Variants in PLEKHG4B observed in about 807,000 individuals in gnomAD.
PLEKHG4B encodes the protein pleckstrin homology and RhoGEF domain containing G4B.
In PLEKHG4B, 111 loss-of-function variants were observed where a neutral mutation model predicts 121.3. The observed-to-expected ratio is 0.92, with a 90% confidence interval of 0.78 to 1.07. The LOEUF is 1.07. PLEKHG4B is among the 50% of genes least tolerant of loss of function. PLEKHG4B has a pLI of 0.00. For missense variants in PLEKHG4B, 1,831 were observed against 1,757.8 expected (o/e 1.04, Z -0.74); for synonymous variants, 738 against 725.0 (o/e 1.02, Z -0.29).
chr5:173,491 A>C (rs1383051414), intron 17 of PLEKHG4B, among the ~76,000 whole-genome samples: 3 of 152,142 alleles, frequency 2.0e-5, no homozygotes, highest in Admixed American at 6.5e-5. Flanking sequence ...GACAGAGTCC[A>C]TGAGGGTGCA....
intron 1 of PLEKHG4B, among the ~76,000 whole-genome samples, chr5:100,418 G>C (rs1210925571): frequency 1.4e-5 from 2 of 147,596 alleles, no homozygotes; most frequent in Non-Finnish European, 3.0e-5. Context: ...AGAGACTGTT[G>C]TGAGGTAAAT....
In PLEKHG4B at chr5:182,333, G is replaced by A; in HGVS notation, c.*10G>A. The A allele has an allele frequency of 6.3e-7, 1 of 1,580,642 alleles. No homozygotes were observed. The highest frequency in any genetic ancestry group is 8.6e-7 in the Non-Finnish European group (1 of 1,165,222). On this transcript the variant is annotated 3_prime_UTR_variant, in exon 20 of 20. Coordinates refer to ENST00000637938, the MANE Select transcript of PLEKHG4B (RefSeq NM_052909.5). ...CACACGCCAGGCCTGATGACTGTCA[G>A]GGTGGCAGTGCCCATCATGTGGCTA...
intron 2 of PLEKHG4B, among the ~76,000 whole-genome samples, chr5:135,432 C>G (rs893659913): frequency 1.3e-5 from 2 of 149,320 alleles, no homozygotes; most frequent in Admixed American, 1.3e-4. Context: ...TTTGGGAGGC[C>G]GAGGTGGCGG....
chr5:140,531 G>A lies in PLEKHG4B; in HGVS notation c.1292G>A (p.Arg431Gln), dbSNP rs1360885910. The change falls in exon 3 of 20, where the codon CGG (arginine) becomes CAG (glutamine). Residue 431 changes from arginine to glutamine, a missense_variant. Transcript: ENST00000637938. ...PSRTGPGAAG[R>Q]TLPRRSRSWE... ...CGGACAGGTCCAGGAGCTGCAGGGC[G>A]GACTCTTCCCAGGAGATCTCGGTCC... 12 of 1,599,836 alleles carry A rather than the reference G, an allele frequency of 7.5e-6. No individual in the cohort carries two copies. The highest frequency in any genetic ancestry group is 1.1e-5 in the South Asian group (1 of 89,076).
intron 6 of PLEKHG4B, 143 bp from the exon 7 acceptor site, chr5:151,370 G>C (rs1735597579): frequency 2.0e-6 from 1 of 497,906 alleles, no homozygotes. Context: ...TTACATTTCA[G>C]GGCAAAGTCA....
intron 13 of PLEKHG4B, among the ~76,000 whole-genome samples, chr5:164,760 T>A (rs1295595248): frequency 8.6e-6 from 1 of 115,702 alleles, no homozygotes; most frequent in Non-Finnish European, 1.7e-5. Context: ...ACAGTAATCC[T>A]CTGACGGGGC....
chr5:164,844 G>A (rs1415326078), intron 13 of PLEKHG4B, among the ~76,000 whole-genome samples: 2 of 120,490 alleles, frequency 1.7e-5, no homozygotes, highest in Non-Finnish European at 3.4e-5. Flanking sequence ...TCACACTAAT[G>A]CTGTGACAGG....
chr5:107,234 G>A (rs1258171442), intron 1 of PLEKHG4B, among the ~76,000 whole-genome samples: 1 of 152,182 alleles, frequency 6.6e-6, no homozygotes, highest in African/African-American at 2.4e-5. Flanking sequence ...CACAGCCCCT[G>A]GGGCTCACTG....
At chr5:109,846 C>T (rs1734084652) in intron 1 of PLEKHG4B, among the ~76,000 whole-genome samples, 3 of 152,284 alleles carry the variant, frequency 2.0e-5, no homozygotes, top group South Asian at 4.1e-4. Flanking sequence ...TGGCGGGCAC[C>T]GGAACTGTAC....
chr5:169,609 G>A lies in PLEKHG4B; in HGVS notation c.3729+17G>A. 6.2e-7 allele frequency: 1 copy of A among 1,609,954 alleles called. No individual in the cohort carries two copies. The highest frequency in any genetic ancestry group is 8.5e-7 in the Non-Finnish European group (1 of 1,179,236). On this transcript the variant is annotated intron_variant, in intron 14 of 19. Coordinates refer to ENST00000637938, the MANE Select transcript of PLEKHG4B (RefSeq NM_052909.5). ...CTGAGACACGTAAGTGCAGGCCATGGCGTGGGTGCCGGGCAACGTGGTGGG... is the reference window on the plus strand; with the variant it reads ...CTGAGACACGTAAGTGCAGGCCATGACGTGGGTGCCGGGCAACGTGGTGGG...
Position 137,496 on chromosome 5 carries a change from C to A in PLEKHG4B, c.244-1987C>A, listed in dbSNP as rs1348657426. ...CTCTGGGCTGTGCCACTGCCTTAAC[C>A]CGGACCAGTTCCCTTCTACAGTGAA... On this transcript the variant is annotated intron_variant, in intron 2 of 19. Coordinates refer to ENST00000637938, the MANE Select transcript of PLEKHG4B (RefSeq NM_052909.5). This position sits in a 1 kb window ranked among gnomAD's most constrained non-coding sequence, Gnocchi z 4.2. Among the ~76,000 whole-genome samples the A allele has an allele frequency of 6.6e-6, 1 of 152,188 alleles. No homozygotes were observed. The highest frequency in any genetic ancestry group is 1.5e-5 in the Non-Finnish European group (1 of 68,044).
chr5:172,610 C>A (rs1165433063), intron 16 of PLEKHG4B, among the ~76,000 whole-genome samples: 1 of 152,214 alleles, frequency 6.6e-6, no homozygotes, highest in Non-Finnish European at 1.5e-5. Flanking sequence ...GACGCTCACC[C>A]CCTGAGCAGG....
intron 2 of PLEKHG4B, among the ~76,000 whole-genome samples, chr5:114,362 C>T (rs935281711): frequency 5.9e-5 from 9 of 152,242 alleles, no homozygotes; most frequent in Non-Finnish European, 1.5e-5. Context: ...TCACATCCTT[C>T]TGTTTATCAA....
At position 156,872 on chromosome 5, in the gene PLEKHG4B, C is replaced by A. The variant is rs752676614; in HGVS notation, c.2448C>A (p.His816Gln). Reference protein sequence around the residue: ...TSNNRLQQLEHLRELASLLEG... With the variant: ...TSNNRLQQLEQLRELASLLEG... Reference sequence around the variant, plus strand: ...ACAATCGTCTCCAGCAGCTGGAGCACCTCCGGGAGCTGGCGTCACTCCTGG... The same window carrying A: ...ACAATCGTCTCCAGCAGCTGGAGCAACTCCGGGAGCTGGCGTCACTCCTGG... Residue 816 changes from histidine to glutamine, a missense_variant, in exon 11 of 20, where the codon CAC (histidine) becomes CAA (glutamine). Coordinates refer to ENST00000637938, the MANE Select transcript of PLEKHG4B (RefSeq NM_052909.5). This position sits in a 1 kb window ranked among gnomAD's most constrained non-coding sequence, Gnocchi z 4.4. 1.2e-6 allele frequency: 2 copies of A among 1,610,730 alleles called. No individual in the cohort carries two copies. The highest frequency in any genetic ancestry group is 2.7e-5 in the African/African-American group (2 of 74,886).
chr5:95,978 T>G (rs1182949378), intron 1 of PLEKHG4B, among the ~76,000 whole-genome samples: 1 of 152,232 alleles, frequency 6.6e-6, no homozygotes, highest in Non-Finnish European at 1.5e-5. Flanking sequence ...AGTTCTCACT[T>G]GCCTTCAGGT....
At position 120,591 on chromosome 5, in the gene PLEKHG4B, A is replaced by G. The variant is rs190315290; in HGVS notation, c.243+7143A>G. Among the ~76,000 whole-genome samples the G allele has an allele frequency of 4.9e-4, 74 of 152,318 alleles. 1 individual carries two copies. Among genetic ancestry groups the G allele is most frequent in the African/African-American group, 1.7e-3 (72 of 41,568 alleles). Reference sequence around the variant, plus strand: ...CTGTAGCTTTAATTCCAAGGCTTTCATAGAGGAATTAAAGCCACAACCCTG... The same window carrying G: ...CTGTAGCTTTAATTCCAAGGCTTTCGTAGAGGAATTAAAGCCACAACCCTG... On this transcript the variant is annotated intron_variant, in intron 2 of 19. Transcript: ENST00000637938.
intron 16 of PLEKHG4B, among the ~76,000 whole-genome samples, chr5:171,711 G>A (rs867090869): frequency 2.6e-5 from 4 of 152,216 alleles, no homozygotes; most frequent in African/African-American, 4.8e-5. Flanking sequence ...GTTGGCTGCC[G>A]TTCTACAGGA....
At chr5:150,162 G>A (rs576157685) in intron 6 of PLEKHG4B, among the ~76,000 whole-genome samples, 91 of 152,310 alleles carry the variant, frequency 6.0e-4, no homozygotes, top group South Asian at 3.5e-3. Context: ...CTATCTTTAC[G>A]ATGGAATATT....
Position 135,681 on chromosome 5 carries a change from AAATATATATATATATATATAT to A in PLEKHG4B, c.244-3800_244-3780del, listed in dbSNP as rs1233530214. On this transcript the variant is annotated intron_variant, in intron 2 of 19. Transcript: ENST00000637938. ...ACTCCATCTCAAAAAAAAAAAAAAA[AAATATATATATATATATATAT>A]ATATATATATATATATATATATATA... is the stretch of plus-strand genomic sequence containing the variant. Among the ~76,000 whole-genome samples, 120 of 38,680 alleles carry A rather than the reference AAATATATATATATATATATAT, an allele frequency of 3.1e-3. 6 individuals are homozygous for A. The highest frequency in any genetic ancestry group is 7.8e-3 in the Admixed American group (23 of 2,966). 25.4% of individuals were successfully genotyped at this position (38,680 alleles called of 152,430 possible).
Sources: gnomAD v4.1 joint callset for allele counts (sites outside exome capture counted in the v4.1 genomes callset) on GRCh38, gnomAD v4.1.1 for gene constraint, Gnocchi (gnomAD v3.1) non-coding constraint, MANE v1.5 for transcripts, NCBI Gene and HGNC (gene_info 2026-07-23, HGNC 2026-07-21) for gene names.